The following FBXL13 variants were observed in gnomAD, a reference collection of about 807,000 sequenced individuals.
The protein encoded by FBXL13 is F-box and leucine-rich repeat protein 13.
A neutral mutation model predicts 83.6 loss-of-function variants in FBXL13; 67 were observed. The observed-to-expected ratio is 0.80, with a 90% CI of 0.66 to 0.98. The LOEUF (loss-of-function observed/expected upper bound fraction) is 0.98. Among genes scored for constraint, FBXL13 ranks in the 50% least tolerant of loss-of-function variants. FBXL13 has a pLI of 0.00. For missense variants in FBXL13, 822 were observed against 866.5 expected, an observed-to-expected ratio of 0.95 and a Z score of 0.64; for synonymous variants, 272 against 299.5, an observed-to-expected ratio of 0.91 and a Z score of 0.95.
chr7:103,038,150 C>T (rs779839020), intron 2 of FBXL13, among the ~76,000 whole-genome samples: 2 of 152,214 alleles, frequency 1.3e-5, no homozygotes, highest in Non-Finnish European at 2.9e-5. Flanking sequence ...AGATACCCTC[C>T]CTCCCATGCC....
rs540288190 is a variant in FBXL13, at chr7:102,943,966, T to C, written c.725-12033A>G. On this transcript the variant is annotated intron_variant, in intron 8 of 19. Transcript: ENST00000313221. ...CCTTGGAAAATACATTCTTGCATCATAAAGGTGACAAAAAGCCTATCTAGT... is the reference window on the plus strand; with the variant it reads ...CCTTGGAAAATACATTCTTGCATCACAAAGGTGACAAAAAGCCTATCTAGT... Among the ~76,000 whole-genome samples, 135 of 152,246 alleles carry C rather than the reference T, an allele frequency of 8.9e-4. 2 individuals are homozygous for C. Among genetic ancestry groups the C allele is most frequent in the South Asian group, 6.6e-3 (32 of 4,824 alleles).
intron 8 of FBXL13, among the ~76,000 whole-genome samples, chr7:102,962,993 A>C (rs1262804290): frequency 7.1e-6 from 1 of 141,096 alleles, no homozygotes; most frequent in African/African-American, 2.7e-5. Context: ...AAAAATATAT[A>C]TATATATATA....
At chr7:102,823,010 C>T (rs1383670392) in intron 18 of FBXL13, among the ~76,000 whole-genome samples, 1 of 152,058 alleles carries the variant, frequency 6.6e-6, no homozygotes, top group Admixed American at 6.5e-5. Context: ...TTCAGTGAGC[C>T]GAGATCACGC....
chr7:102,892,012 T>TA (rs1811596141), intron 11 of FBXL13, among the ~76,000 whole-genome samples: 1 of 152,258 alleles, frequency 6.6e-6, no homozygotes, highest in African/African-American at 2.4e-5. Flanking sequence ...GCTACAGTTC[T>TA]AACCACATGC....
At chr7:102,926,163 C>T in intron 10 of FBXL13, 111 bp downstream of exon 11, 3 of 796,084 alleles carry the variant, frequency 3.8e-6, no homozygotes, top group South Asian at 3.6e-5. Flanking sequence ...AGCAGTGCCA[C>T]AGTGGTGGGG....
chr7:102,812,284 A>G (rs1318299852), downstream of FBXL13, among the ~76,000 whole-genome samples: 2 of 152,232 alleles, frequency 1.3e-5, no homozygotes, highest in Non-Finnish European at 2.9e-5. Flanking sequence ...TTAAAAACTA[A>G]TATGTAGATA....
At chr7:103,044,694 A>AT (rs1352127793) in intron 2 of FBXL13, among the ~76,000 whole-genome samples, 2 of 152,154 alleles carry the variant, frequency 1.3e-5, no homozygotes, top group Non-Finnish European at 2.9e-5. Flanking sequence ...TAATAAAAAG[A>AT]TTTTTTAAAT....
intron 6 of FBXL13, among the ~76,000 whole-genome samples, chr7:103,024,206 A>G (rs1563234628): frequency 6.6e-6 from 1 of 150,606 alleles, no homozygotes; most frequent in Non-Finnish European, 1.5e-5. Flanking sequence ...GGCAAGGATG[A>G]CAGACTTTAT....
intron 11 of FBXL13, among the ~76,000 whole-genome samples, chr7:102,891,244 A>C (rs970296871): frequency 6.6e-6 from 1 of 152,130 alleles, no homozygotes; most frequent in Non-Finnish European, 1.5e-5. Flanking sequence ...CTAGGTCTAT[A>C]TATTGTTCAC....
At chr7:103,012,875 T>C (rs989387663) in intron 6 of FBXL13, among the ~76,000 whole-genome samples, 1 of 152,098 alleles carries the variant, frequency 6.6e-6, no homozygotes, top group Non-Finnish European at 1.5e-5. Context: ...CAAAACCCAA[T>C]GGTATACTGT....
intron 2 of FBXL13, among the ~76,000 whole-genome samples, chr7:103,045,992 C>A (rs1796236826): frequency 6.6e-6 from 1 of 152,170 alleles, no homozygotes; most frequent in Admixed American, 6.5e-5. Flanking sequence ...AGATTTAAAA[C>A]CTTCGAGAGA....
intron 17 of FBXL13, among the ~76,000 whole-genome samples, chr7:102,846,501 C>G (rs556059365): frequency 6.6e-6 from 1 of 150,786 alleles, no homozygotes; most frequent in African/African-American, 2.5e-5. Context: ...TGCCTGTAAT[C>G]CCAGCTACTT....
rs1185781865 is a variant in FBXL13, at chr7:102,884,269, C to G, written c.1052G>C (p.Gly351Ala). ...GTCATTAATGGTAAGATGCATAATT[C>G]CAGTGCAGCTGTTTGCAATGTACCT... The change falls in exon 12 of 20, where the codon GGA (glycine) becomes GCA (alanine). Residue 351 changes from glycine (G) to alanine (A), a missense_variant. Coordinates refer to ENST00000313221, the Ensembl canonical transcript of FBXL13. The G allele has an allele frequency of 2.5e-6, 4 of 1,613,730 alleles. No homozygotes were observed. In the Admixed American group the frequency reaches 5.0e-5, roughly 20 times the overall value.
At chr7:102,847,460 A>G (rs1476721392) in intron 17 of FBXL13, among the ~76,000 whole-genome samples, 1 of 152,228 alleles carries the variant, frequency 6.6e-6, no homozygotes, top group Non-Finnish European at 1.5e-5. Context: ...TGTCATTTAA[A>G]TGGATGATTA....
intron 1 of FBXL13, among the ~76,000 whole-genome samples, chr7:103,063,600 C>A (rs1225300494): frequency 6.6e-6 from 1 of 152,066 alleles, no homozygotes; most frequent in Non-Finnish European, 1.5e-5. Context: ...AAAATAAAGC[C>A]CTCTATCACA....
intron 11 of FBXL13, among the ~76,000 whole-genome samples, chr7:102,905,336 G>A (rs1048573255): frequency 4.6e-5 from 7 of 152,182 alleles, no homozygotes; most frequent in African/African-American, 1.7e-4. Context: ...TCTTCTTGCT[G>A]AATTGGCTTC....
intron 5 of FBXL13, among the ~76,000 whole-genome samples, chr7:103,027,200 G>A (rs1464070995): frequency 6.6e-6 from 1 of 152,022 alleles, no homozygotes; most frequent in East Asian, 1.9e-4. Context: ...GGAGGCTGAG[G>A]CAGGAGAAAT....
intron 6 of FBXL13, among the ~76,000 whole-genome samples, chr7:103,013,461 G>T (rs1791881411): frequency 6.6e-6 from 1 of 151,926 alleles, no homozygotes; most frequent in Non-Finnish European, 1.5e-5. Context: ...AATAAATATA[G>T]AAATTAATGC....
At chr7:102,855,343 A>ATTTATATAATCATTAT (rs1490767949) in intron 16 of FBXL13, among the ~76,000 whole-genome samples, 2 of 152,222 alleles carry the variant, frequency 1.3e-5, no homozygotes, top group African/African-American at 4.8e-5. Context: ...AAAGGCCTAG[A>ATTTATATAATCATTAT]GACAGATAAT....
Sources: allele counts gnomAD v4.1 joint callset (sites outside exome capture counted in the v4.1 genomes callset), GRCh38; gene constraint gnomAD v4.1.1; transcripts MANE v1.5; gene names NCBI Gene and HGNC (gene_info 2026-07-23, HGNC 2026-07-21).